The following C4B variants were observed in gnomAD, a reference collection of about 807,000 sequenced individuals.
C4B encodes complement C4-B.
In C4B, 6 loss-of-function variants were observed where a neutral mutation model predicts 46.2. The observed-to-expected ratio is 0.13, with a 90% CI of 0.07 to 0.26. The LOEUF is 0.26. Ranked by LOEUF, C4B falls within the 10% of genes least tolerant of loss-of-function variation. C4B has a pLI of 1.00. For missense variants in C4B, 119 were observed against 560.9 expected (o/e 0.21, Z 7.96); for synonymous variants, 61 against 240.1 (o/e 0.25, Z 6.90).
In C4B at chr6:32,029,330, A is replaced by G; in HGVS notation, c.3668A>G (p.Glu1223Gly). Residue 1223 changes from glutamate to glycine, a missense_variant, in exon 28 of 41, where the codon GAG (glutamate) becomes GGG (glycine). Coordinates refer to ENST00000435363, the MANE Select transcript of C4B (RefSeq NM_001002029.4). ...AHNNLMAMAQ[E>G]TGDNLYWGSV... ...AACAACCTCATGGCAATGGCCCAGG[A>G]GACTGGAGGTGAGGGGTGAGGGGCT... is the stretch of plus-strand genomic sequence containing the variant. 1 of 1,555,112 alleles carries G rather than the reference A, an allele frequency of 6.4e-7. No individual in the cohort carries two copies. The highest frequency in any genetic ancestry group is 1.4e-5 in the African/African-American group (1 of 71,852).
Position 32,029,202 on chromosome 6 carries a change from G to A in C4B, c.3540G>A (p.Gly1180=), listed in dbSNP as rs1173213277. The change falls in exon 28 of 41, where the codon GGG becomes GGA. Residue 1180 remains glycine (G), a synonymous_variant. Coordinates refer to ENST00000435363, the MANE Select transcript of C4B (RefSeq NM_001002029.4). ...TCTCAAAGGCAAGCTCATTTTTGGG[G>A]GAGAAAGCAAGTGCTGGGCTCCTGG... The part of the protein sequence containing the change: ...ASISKASSFL[G]EKASAGLLGA... 4 of 1,591,888 alleles carry A rather than the reference G, an allele frequency of 2.5e-6. 1 individual carries two copies. Among genetic ancestry groups the A allele is most frequent in the Non-Finnish European group, 3.4e-6 (4 of 1,163,318 alleles).
chr6:32,029,507 A>G (rs1775775964), intron 28 of C4B, 59 bp from the exon 29 acceptor site: 1 of 1,511,452 alleles, frequency 6.6e-7, no homozygotes, highest in Non-Finnish European at 9.0e-7. Context: ...GCTAAGGGCC[A>G]GGGGACCAGG....
intron 25 of C4B, 21 bp from the exon 26 acceptor site, chr6:32,028,672 C>T: frequency 6.6e-7 from 1 of 1,519,310 alleles, no homozygotes; most frequent in Non-Finnish European, 8.9e-7. Context: ...TTATCCCCAA[C>T]CCTCCTTTCC....
Position 32,028,769 on chromosome 6 carries a change from A to G in C4B, c.3307A>G (p.Thr1103Ala), listed in dbSNP as rs1775721673. The change falls in exon 26 of 41, where the codon ACA becomes GCA. Residue 1103 changes from threonine (T) to alanine (A), a missense_variant. By Grantham distance (58) the Thr-to-Ala change is moderately conservative (BLOSUM62 0). Transcript: ENST00000435363. ...AGGCTCGCCTGAGAAACTGCAGGAG[A>G]CATCTAACTGGCTTCTGTCCCAGCA... ...VGGSPEKLQE[T>A]SNWLLSQQQA... The G allele has an allele frequency of 1.3e-6, 2 of 1,562,752 alleles. 1 individual carries two copies. Among genetic ancestry groups the G allele is most frequent in the African/African-American group, 2.8e-5 (2 of 70,566 alleles).
chr6:32,028,895 T>C, intron 26 of C4B, 46 bp downstream of exon 26: 1 of 1,566,122 alleles, frequency 6.4e-7, no homozygotes, highest in Non-Finnish European at 8.7e-7. Flanking sequence ...GTCGGAGGAC[T>C]CTCTTTGCCC....
Position 32,028,864 on chromosome 6 carries a change from G to A in C4B, c.3387+15G>A. On this transcript the variant is annotated intron_variant, in intron 26 of 40. Transcript: ENST00000435363. ...GGAGCATGCAGGTGCGGGCATGCTG[G>A]GGCTGGCCCGAGAAGCGCCTGTCGG... 1 of 1,564,108 alleles carries A rather than the reference G, an allele frequency of 6.4e-7. No individual in the cohort carries two copies. The highest frequency in any genetic ancestry group is 1.7e-5 in the Admixed American group (1 of 58,886).
At position 32,028,819 on chromosome 6, in the gene C4B, CCT is replaced by C. The variant is rs1775725816; in HGVS notation, c.3363_3364del (p.Pro1122SerfsTer4). 1.9e-6 allele frequency: 3 copies of C among 1,562,290 alleles called. 1 individual carries two copies. The African/African-American group carries it at 4.2e-5, about 22-fold the overall frequency. On this transcript the variant is annotated frameshift_variant, in exon 26 of 41. Transcript: ENST00000435363. LOFTEE classifies it high-confidence loss of function. ...QQQADGSFQDLSPVIHRSMQG... is the reference protein window; with the variant it reads ...QQQADGSFQDXSPVIHRSMQG... Reference sequence around the variant, plus strand: ...AGCAGGCTGACGGCTCGTTCCAGGACCTCTCTCCAGTGATACATAGGAGCATG... The same window carrying C: ...AGCAGGCTGACGGCTCGTTCCAGGACCTCTCCAGTGATACATAGGAGCATG...
rs59174894 is a variant in C4B, at chr6:32,029,352, G to C, written c.3676+14G>C. The stretch of plus-strand genomic sequence containing the variant: ...AGGAGACTGGAGGTGAGGGGTGAGG[G>C]GCTCTGGCAGTGAGCCTGAGGCCCA... On this transcript the variant is annotated intron_variant, in intron 28 of 40. Coordinates refer to ENST00000435363, the MANE Select transcript of C4B (RefSeq NM_001002029.4). The C allele has an allele frequency of 0.34, 506,372 of 1,488,674 alleles. 143,226 individuals are homozygous for C. The highest frequency in any genetic ancestry group is 0.52 in the Admixed American group (28,103 of 53,574). The allele number at this position is 1,488,674 out of a possible 1,614,324, so 92.2% of individuals were successfully genotyped here. A position where few individuals can be genotyped will look rare whatever the true frequency, so the allele number is the denominator to read the frequency against.
At position 32,029,231 on chromosome 6, in the gene C4B, C is replaced by T; in HGVS notation, c.3569C>T (p.Ala1190Val). The change falls in exon 28 of 41, where the codon GCC (alanine) becomes GTC (valine). Residue 1190 changes from alanine to valine, a missense_variant. Coordinates refer to ENST00000435363, the MANE Select transcript of C4B (RefSeq NM_001002029.4). ...AAAGCAAGTGCTGGGCTCCTGGGTG[C>T]CCACGCAGCTGCCATCACGGCCTAT... Reference protein sequence around the residue: ...GEKASAGLLGAHAAAITAYAL... With the variant: ...GEKASAGLLGVHAAAITAYAL... 1 of 1,591,284 alleles carries T rather than the reference C, an allele frequency of 6.3e-7. No homozygotes were observed. The highest frequency in any genetic ancestry group is 8.6e-7 in the Non-Finnish European group (1 of 1,162,998).
chr6:32,028,285 G>C lies in C4B; in HGVS notation c.3154+8G>C. Reference sequence around the variant, plus strand: ...TGGATCTGATCCAGAAAGGTTCTGGGTGCAAGGGCAAGCAGGAGGGGGGCC... The same window carrying C: ...TGGATCTGATCCAGAAAGGTTCTGGCTGCAAGGGCAAGCAGGAGGGGGGCC... On this transcript the variant is annotated splice_region_variant and intron_variant, in intron 24 of 40. Coordinates refer to ENST00000435363, the MANE Select transcript of C4B (RefSeq NM_001002029.4). 1 of 545,704 alleles carries C rather than the reference G, an allele frequency of 1.8e-6. No homozygotes were observed. Among genetic ancestry groups the C allele is most frequent in the South Asian group, 1.8e-5 (1 of 55,130 alleles). The allele number at this position is 545,704 out of a possible 1,614,324, so 33.8% of individuals were successfully genotyped here.
chr6:32,026,340 G>GACAAGGT lies in C4B; in HGVS notation c.2249_2250insACAAGGT (p.Ala752GlyfsTer19). On this transcript the variant is annotated frameshift_variant, in exon 17 of 41. Coordinates refer to ENST00000435363, the MANE Select transcript of C4B (RefSeq NM_001002029.4). LOFTEE classifies it high-confidence loss of function. ...CTGCGCAAGAAGAGCAGGGACAAGG[G>GACAAGGT]CCAGGCGGGCCTCCAACGAGGTGAG... 1 of 14,288 alleles carries GACAAGGT rather than the reference G, an allele frequency of 7.0e-5. No homozygotes were observed. The highest frequency in any genetic ancestry group is 1.7e-4 in the Non-Finnish European group (1 of 5,820). 0.9% of individuals were successfully genotyped at this position (14,288 alleles called of 1,614,324 possible). A position where few individuals can be genotyped will look rare whatever the true frequency, so the allele number is the denominator to read the frequency against.
chr6:32,026,731 TC>T lies in C4B; in HGVS notation c.2452+8del. On this transcript the variant is annotated splice_region_variant and intron_variant, in intron 19 of 40. Coordinates refer to ENST00000435363, the MANE Select transcript of C4B (RefSeq NM_001002029.4). The stretch of plus-strand genomic sequence containing the variant: ...AGCCTGTCCAAAACCAAAGGTGATG[TC>T]ACCCTGTCTGGGCCTCAGGTGACCC... 2 of 301,570 alleles carry T rather than the reference TC, an allele frequency of 6.6e-6. No homozygotes were observed. The highest frequency in any genetic ancestry group is 1.2e-5 in the Non-Finnish European group (2 of 171,188). The allele number at this position is 301,570 out of a possible 1,614,324, so 18.7% of individuals were successfully genotyped here.
Position 32,028,915 on chromosome 6 carries a change from C to T in C4B, c.3388-30C>T, listed in dbSNP as rs575185096. The T allele has an allele frequency of 3.3e-5, 52 of 1,563,378 alleles. 3 individuals carry two copies. Among genetic ancestry groups the T allele is most frequent in the Admixed American group, 2.2e-4 (13 of 58,802 alleles). On this transcript the variant is annotated intron_variant, in intron 26 of 40. Coordinates refer to ENST00000435363, the MANE Select transcript of C4B (RefSeq NM_001002029.4). ...AGGACTCTCTTTGCCCCTTCCCCCT[C>T]CTGTTTGACATCTTTTCTCCCCTTA... is the stretch of plus-strand genomic sequence containing the variant.
At chr6:32,027,191 C>G (rs1562742376) in intron 20 of C4B, 45 bp from the exon 21 acceptor site, 1 of 1,530,902 alleles carries the variant, frequency 6.5e-7, no homozygotes, top group Non-Finnish European at 9.0e-7. Flanking sequence ...GGTGGGGAGG[C>G]TAACCGGGCC....
chr6:32,029,111 T>C (rs1276134933), intron 27 of C4B, 50 bp downstream of exon 27: 1 of 1,582,046 alleles, frequency 6.3e-7, no homozygotes, highest in Non-Finnish European at 8.6e-7. Flanking sequence ...CTCTCTCCCT[T>C]TTTCCTCAGG....
At position 32,029,355 on chromosome 6, in the gene C4B, T is replaced by G; in HGVS notation, c.3676+17T>G. 6.5e-7 allele frequency: 1 copy of G among 1,541,832 alleles called. No individual in the cohort carries two copies. Among genetic ancestry groups the G allele is most frequent in the Admixed American group, 1.8e-5 (1 of 56,406 alleles). The stretch of plus-strand genomic sequence containing the variant: ...AGACTGGAGGTGAGGGGTGAGGGGC[T>G]CTGGCAGTGAGCCTGAGGCCCAGGG... On this transcript the variant is annotated intron_variant, in intron 28 of 40. Transcript: ENST00000435363.
chr6:32,028,282 TG>T lies in C4B; in HGVS notation c.3154+8del. Reference sequence around the variant, plus strand: ...CCGTGGATCTGATCCAGAAAGGTTCTGGGTGCAAGGGCAAGCAGGAGGGGGG... The same window carrying T: ...CCGTGGATCTGATCCAGAAAGGTTCTGGTGCAAGGGCAAGCAGGAGGGGGG... On this transcript the variant is annotated splice_donor_region_variant and intron_variant, in intron 24 of 40. Transcript: ENST00000435363. 1 of 531,080 alleles carries T rather than the reference TG, an allele frequency of 1.9e-6. No homozygotes were observed. The highest frequency in any genetic ancestry group is 3.3e-6 in the Non-Finnish European group (1 of 307,624). 32.9% of individuals were successfully genotyped at this position (531,080 alleles called of 1,614,324 possible). A position where few individuals can be genotyped will look rare whatever the true frequency, so the allele number is the denominator to read the frequency against.
At chr6:32,029,409 G>A in intron 28 of C4B, 71 bp downstream of exon 28, 1 of 1,543,134 alleles carries the variant, frequency 6.5e-7, no homozygotes, top group South Asian at 1.1e-5. Context: ...TGTGCCCAGA[G>A]GGAGAGGCTG....
In C4B at chr6:32,027,395, TC is replaced by T; in HGVS notation, c.2754del (p.Phe919SerfsTer50). ...AVSLKVVARG[S>X]FEFPVGDAVS... is the part of the protein sequence containing the mutation. Reference sequence around the variant, plus strand: ...GTCTCTGAAGGTGGTGGCTCGAGGGTCCTTCGAATTCCCTGTGGGAGATGCG... The same window carrying T: ...GTCTCTGAAGGTGGTGGCTCGAGGGTCTTCGAATTCCCTGTGGGAGATGCG... On this transcript the variant is annotated frameshift_variant, in exon 21 of 41. Coordinates refer to ENST00000435363, the MANE Select transcript of C4B (RefSeq NM_001002029.4). LOFTEE classifies it high-confidence loss of function. 1.4e-6 allele frequency: 1 copy of T among 722,608 alleles called. No homozygotes were observed. Among genetic ancestry groups the T allele is most frequent in the Non-Finnish European group, 1.7e-6 (1 of 575,918 alleles). The allele number at this position is 722,608 out of a possible 1,614,324, so 44.8% of individuals were successfully genotyped here. A position where few individuals can be genotyped will look rare whatever the true frequency, so the allele number is the denominator to read the frequency against.
Sources: gnomAD v4.1 joint callset for allele counts on GRCh38, gnomAD v4.1.1 for gene constraint, MANE v1.5 for transcripts, NCBI Gene and HGNC (gene_info 2026-07-23, HGNC 2026-07-21) for gene names.